PLEKHA5: variants seen among roughly 807,000 people sequenced by gnomAD.
PLEKHA5 encodes the protein pleckstrin homology domain containing A5.
In PLEKHA5, 55 loss-of-function variants were observed where a neutral mutation model predicts 181.9. The observed-to-expected ratio is 0.30, with a 90% CI of 0.24 to 0.38. The LOEUF is 0.38. PLEKHA5 is among the 10% of genes least tolerant of loss of function. The probability of loss-of-function intolerance (pLI) is 1.00; values close to 1 mark genes in which losing one functional copy is unlikely to be tolerated. For missense variants in PLEKHA5, 1,432 were observed against 1,549.5 expected (o/e 0.92, Z 1.27); for synonymous variants, 535 against 529.4 (o/e 1.01, Z -0.15).
intron 26 of PLEKHA5, among the ~76,000 whole-genome samples, chr12:19,355,851 C>CA (rs1346768300): frequency 9.9e-5 from 15 of 151,942 alleles, no homozygotes; most frequent in Middle Eastern, 3.4e-3. Context: ...AAAAGGACTA[C>CA]AAAAAGTGCA....
At chr12:19,314,939 AT>A (rs1239454450) in intron 16 of PLEKHA5, 45 bp downstream of exon 16, 1 of 937,922 alleles carries the variant, frequency 1.1e-6, no homozygotes, top group Non-Finnish European at 1.7e-6. Context: ...CATCTGCAAA[AT>A]CCCTCAGTGA....
intron 3 of PLEKHA5, among the ~76,000 whole-genome samples, chr12:19,142,362 C>T (rs1293711102): frequency 2.0e-5 from 3 of 151,948 alleles, no homozygotes; most frequent in Non-Finnish European, 4.4e-5. Context: ...GAGCGAGACC[C>T]CATCTCTAAA....
At chr12:19,159,434 A>C (rs969922398) in intron 3 of PLEKHA5, among the ~76,000 whole-genome samples, 2 of 152,150 alleles carry the variant, frequency 1.3e-5, no homozygotes, top group Non-Finnish European at 2.9e-5. Flanking sequence ...ACATTTTCAT[A>C]TAGTTTACCC....
chr12:19,211,669 T>G (rs2056931437), intron 3 of PLEKHA5, among the ~76,000 whole-genome samples: 1 of 152,218 alleles, frequency 6.6e-6, no homozygotes, highest in South Asian at 2.1e-4. Context: ...AAAAAATTTA[T>G]TTTAAAGATC....
chr12:19,338,453 C>G (rs1352204765), intron 21 of PLEKHA5, among the ~76,000 whole-genome samples: 1 of 151,960 alleles, frequency 6.6e-6, no homozygotes, highest in African/African-American at 2.4e-5. Flanking sequence ...AACCCCACCT[C>G]TACAAAAATA....
intron 15 of PLEKHA5, among the ~76,000 whole-genome samples, chr12:19,302,893 T>C (rs1225828063): frequency 6.7e-6 from 1 of 149,182 alleles, no homozygotes; most frequent in Non-Finnish European, 1.5e-5. Context: ...TGGACAGCAC[T>C]GTTCTGTATG....
At chr12:19,341,062 C>G (rs1163994060) in intron 21 of PLEKHA5, among the ~76,000 whole-genome samples, 2 of 152,036 alleles carry the variant, frequency 1.3e-5, no homozygotes, top group African/African-American at 4.8e-5. Flanking sequence ...ACTTGAGGGT[C>G]AGGAGTTCAA....
Position 19,203,636 on chromosome 12 carries a change from C to T in PLEKHA5, c.228-50304C>T, listed in dbSNP as rs112087666. On this transcript the variant is annotated intron_variant, in intron 3 of 31. Coordinates refer to ENST00000429027, the MANE Select transcript of PLEKHA5 (RefSeq NM_001256470.2). ...TTCCTTCAAATGCTTTCTCTCTTTT[C>T]TCTAAACTCTCAAGAACACTAAAGC... is the stretch of plus-strand genomic sequence containing the variant. Among the ~76,000 whole-genome samples the T allele has an allele frequency of 9.1e-3, 1,388 of 152,128 alleles. 26 individuals are homozygous for T. The highest frequency in any genetic ancestry group is 0.031 in the African/African-American group (1,304 of 41,512).
intron 27 of PLEKHA5, among the ~76,000 whole-genome samples, 187 bp downstream of exon 27, chr12:19,358,624 C>T (rs1315933078): frequency 3.3e-5 from 5 of 151,992 alleles, no homozygotes; most frequent in Non-Finnish European, 7.4e-5. Flanking sequence ...TTCAAGAGAC[C>T]AGAGCTAAAC....
At chr12:19,234,844 T>A (rs142149444) in intron 3 of PLEKHA5, among the ~76,000 whole-genome samples, 73 of 152,232 alleles carry the variant, frequency 4.8e-4, no homozygotes, top group African/African-American at 1.7e-3. Flanking sequence ...GATTTGGGGG[T>A]AAGGATAGTA....
Position 19,322,657 on chromosome 12 carries a change from G to C in PLEKHA5, c.2438G>C (p.Arg813Pro). Residue 813 changes from arginine (R) to proline (P), a missense_variant, in exon 20 of 32, where the codon CGA becomes CCA. Arg to Pro is a moderately radical substitution (Grantham distance 103). Around this residue, in one of 2 missense-constraint regions of PLEKHA5, gnomAD observed 1,143 missense variants for 1,168.4 expected, o/e 0.98. Coordinates refer to ENST00000429027, the MANE Select transcript of PLEKHA5 (RefSeq NM_001256470.2). The part of the protein sequence containing the change: ...GLLSTCRELS[R>P]ATAELERAWR... Reference sequence around the variant, plus strand: ...CTTAGTACGTGTCGAGAACTTTCTCGAGCCACTGCCGTAAGTAGATTTTTT... The same window carrying C: ...CTTAGTACGTGTCGAGAACTTTCTCCAGCCACTGCCGTAAGTAGATTTTTT... The C allele has an allele frequency of 1.9e-6, 3 of 1,611,406 alleles. No individual in the cohort carries two copies. Among genetic ancestry groups the C allele is most frequent in the Non-Finnish European group, 2.5e-6 (3 of 1,178,810 alleles).
chr12:19,134,358 T>G (rs192600806), intron 3 of PLEKHA5, among the ~76,000 whole-genome samples: 125 of 152,218 alleles, frequency 8.2e-4, no homozygotes, highest in African/African-American at 2.8e-3. Flanking sequence ...ACTTGTAGGT[T>G]TTAATCATTT....
intron 3 of PLEKHA5, among the ~76,000 whole-genome samples, chr12:19,185,454 G>A (rs114731958): frequency 6.6e-6 from 1 of 152,198 alleles, no homozygotes; most frequent in African/African-American, 2.4e-5. Flanking sequence ...TGTCCTCATG[G>A]GGCAATAACA....
intron 15 of PLEKHA5, among the ~76,000 whole-genome samples, chr12:19,293,686 C>T (rs954635568): frequency 7.9e-5 from 12 of 152,132 alleles, no homozygotes; most frequent in Admixed American, 2.0e-4. Flanking sequence ...TTATTACTGA[C>T]CTCATTGAAT....
intron 7 of PLEKHA5, among the ~76,000 whole-genome samples, chr12:19,263,175 T>TA (rs1195266660): frequency 3.8e-5 from 4 of 104,048 alleles, no homozygotes; most frequent in African/African-American, 1.2e-4. Flanking sequence ...AGCCTATATA[T>TA]TTTTTTTTGC....
At chr12:19,219,957 G>A (rs1422946007) in intron 3 of PLEKHA5, among the ~76,000 whole-genome samples, 1 of 152,078 alleles carries the variant, frequency 6.6e-6, no homozygotes, top group East Asian at 1.9e-4. Context: ...TCACACAAAA[G>A]ATGAGTTGAT....
chr12:19,192,177 G>A (rs1408719220), intron 3 of PLEKHA5, among the ~76,000 whole-genome samples: 1 of 151,886 alleles, frequency 6.6e-6, no homozygotes, highest in Non-Finnish European at 1.5e-5. Context: ...ACATGTAAAT[G>A]CTTGCTTTAT....
At chr12:19,253,776 C>T (rs1305505966) in intron 3 of PLEKHA5, among the ~76,000 whole-genome samples, 164 bp from the exon 4 acceptor site, 4 of 151,978 alleles carry the variant, frequency 2.6e-5, no homozygotes, top group Admixed American at 2.0e-4. Flanking sequence ...GCCGAGAATG[C>T]GCCATTGCAC....
At chr12:19,306,666 G>A (rs2083818363) in intron 15 of PLEKHA5, 7 of 1,456,230 alleles carry the variant, frequency 4.8e-6, no homozygotes, top group Middle Eastern at 1.7e-4. Flanking sequence ...TGATCTCCCC[G>A]GGCGCTAGCT....
Sources: allele counts gnomAD v4.1 joint callset (sites outside exome capture counted in the v4.1 genomes callset), GRCh38; gene constraint gnomAD v4.1.1; regional missense constraint gnomAD v4.1.1; transcripts MANE v1.5; gene names NCBI Gene and HGNC (gene_info 2026-07-23, HGNC 2026-07-21).